Variants in CTNND2 observed in about 807,000 individuals in gnomAD.
The protein encoded by CTNND2 is catenin delta 2, also known as catenin delta-2.
A neutral mutation model predicts 144.4 loss-of-function variants in CTNND2; 22 were observed. The observed-to-expected ratio is 0.15, with a 90% CI of 0.11 to 0.22. CTNND2 has a LOEUF of 0.22. Among genes scored for constraint, CTNND2 ranks in the 10% least tolerant of loss-of-function variants. The probability of loss-of-function intolerance (pLI) is 1.00; values close to 1 mark genes in which losing one functional copy is unlikely to be tolerated. For missense variants in CTNND2, 1,353 were observed against 1,618.8 expected, an observed-to-expected ratio of 0.84 and a Z score of 2.82; for synonymous variants, 751 against 695.6, an observed-to-expected ratio of 1.08 and a Z score of -1.25.
At chr5:11,147,462 A>C (rs1010449087) in intron 12 of CTNND2, among the ~76,000 whole-genome samples, 2 of 152,176 alleles carry the variant, frequency 1.3e-5, no homozygotes, top group African/African-American at 2.4e-5. Context: ...TATTGCAAAC[A>C]TGGTGAATGA....
chr5:11,426,822 A>G (rs1014675400), intron 3 of CTNND2, among the ~76,000 whole-genome samples: 8 of 152,208 alleles, frequency 5.3e-5, no homozygotes, highest in African/African-American at 1.9e-4. Context: ...GTTGAAAATG[A>G]TAACTTAGAA....
chr5:11,644,188 A>G (rs1423317618), intron 2 of CTNND2, among the ~76,000 whole-genome samples: 1 of 152,232 alleles, frequency 6.6e-6, no homozygotes, highest in Non-Finnish European at 1.5e-5. Flanking sequence ...AAAAAGTGAA[A>G]AAAAACCTAG....
At chr5:10,998,957 G>A (rs997193818) in intron 18 of CTNND2, among the ~76,000 whole-genome samples, 2 of 152,118 alleles carry the variant, frequency 1.3e-5, no homozygotes, top group African/African-American at 4.8e-5. Flanking sequence ...AGATATAGAG[G>A]AGCAGCTGCC....
At chr5:11,302,714 C>A (rs2150035584) in intron 9 of CTNND2, among the ~76,000 whole-genome samples, 1 of 152,296 alleles carries the variant, frequency 6.6e-6, no homozygotes, top group African/African-American at 2.4e-5. Context: ...GTGACCATGG[C>A]TTCCCAGCTC....
intron 5 of CTNND2, among the ~76,000 whole-genome samples, chr5:11,401,276 G>C (rs1299451105): frequency 6.6e-6 from 1 of 152,172 alleles, no homozygotes; most frequent in Non-Finnish European, 1.5e-5. Context: ...ATGTGCACTT[G>C]TTCTGTTTAC....
At chr5:11,779,036 C>T (rs1790404396) in intron 1 of CTNND2, among the ~76,000 whole-genome samples, 1 of 152,040 alleles carries the variant, frequency 6.6e-6, no homozygotes, top group African/African-American at 2.4e-5. Context: ...TTTCCAATGC[C>T]CCATCTTTTT....
chr5:11,213,485 T>G (rs1738853468), intron 10 of CTNND2, among the ~76,000 whole-genome samples: 1 of 152,206 alleles, frequency 6.6e-6, no homozygotes, highest in South Asian at 2.1e-4. Flanking sequence ...TATGATTTAT[T>G]TAATGGTGCT....
chr5:11,900,072 A>G (rs1024199251), intron 1 of CTNND2, among the ~76,000 whole-genome samples: 3 of 152,156 alleles, frequency 2.0e-5, no homozygotes, highest in Admixed American at 6.5e-5. Flanking sequence ...ATATATAAGA[A>G]CCCAATAAAA....
chr5:11,593,940 G>T (rs1415310292), intron 2 of CTNND2, among the ~76,000 whole-genome samples: 3 of 152,114 alleles, frequency 2.0e-5, no homozygotes, highest in Non-Finnish European at 2.9e-5. Flanking sequence ...GCAAGTATTG[G>T]GTGTTATTGG....
intron 12 of CTNND2, among the ~76,000 whole-genome samples, chr5:11,132,070 G>C (rs1159494736): frequency 2.0e-5 from 3 of 152,220 alleles, no homozygotes; most frequent in Non-Finnish European, 4.4e-5. Flanking sequence ...AAGAGGCAAA[G>C]AACTGCATAT....
At chr5:11,577,717 T>C (rs1004375179) in intron 2 of CTNND2, among the ~76,000 whole-genome samples, 11 of 152,224 alleles carry the variant, frequency 7.2e-5, no homozygotes, top group African/African-American at 2.7e-4. Context: ...AAAAGGTTGA[T>C]ATTCAACAAT....
chr5:11,831,847 A>C (rs1043753340), intron 1 of CTNND2, among the ~76,000 whole-genome samples: 1 of 152,128 alleles, frequency 6.6e-6, no homozygotes, highest in African/African-American at 2.4e-5. Flanking sequence ...ACTTCCAAAA[A>C]CTTCAAGTTA....
At chr5:11,056,882 C>T (rs1746401411) in intron 16 of CTNND2, among the ~76,000 whole-genome samples, 1 of 152,204 alleles carries the variant, frequency 6.6e-6, no homozygotes, top group Non-Finnish European at 1.5e-5. Context: ...GAAGCTCAGG[C>T]CGCATGCCAG....
chr5:11,543,030 C>T (rs1266786433), intron 3 of CTNND2, among the ~76,000 whole-genome samples: 1 of 152,220 alleles, frequency 6.6e-6, no homozygotes, highest in East Asian at 1.9e-4. Context: ...TCTACCTCTG[C>T]TCCAGGAACA....
chr5:11,806,359 A>G (rs958200537), intron 1 of CTNND2, among the ~76,000 whole-genome samples: 1 of 152,210 alleles, frequency 6.6e-6, no homozygotes, highest in Non-Finnish European at 1.5e-5. Flanking sequence ...TGCATTATAT[A>G]TCTAACAATT....
chr5:11,796,042 A>G (rs1791382879), intron 1 of CTNND2, among the ~76,000 whole-genome samples: 1 of 152,160 alleles, frequency 6.6e-6, no homozygotes, highest in Non-Finnish European at 1.5e-5. Context: ...CAAAGCCAGC[A>G]ATGGCAGGTT....
chr5:11,146,421 C>G (rs1191154513), intron 12 of CTNND2, among the ~76,000 whole-genome samples: 1 of 152,162 alleles, frequency 6.6e-6, no homozygotes, highest in Non-Finnish European at 1.5e-5. Context: ...GAAAGCCCAG[C>G]TTCGAATTTT....
At chr5:11,100,943 T>C (rs1051940730) in intron 14 of CTNND2, among the ~76,000 whole-genome samples, 1 of 152,226 alleles carries the variant, frequency 6.6e-6, no homozygotes, top group African/African-American at 2.4e-5. Flanking sequence ...GTTAAGTCCG[T>C]AGAAAATTTT....
At chr5:11,791,359 G>A (rs1017137093) in intron 1 of CTNND2, among the ~76,000 whole-genome samples, 3 of 152,164 alleles carry the variant, frequency 2.0e-5, no homozygotes, top group Non-Finnish European at 4.4e-5. Context: ...CCAAGAGGAA[G>A]ACCGTGCAAC....
Sources: gnomAD v4.1 joint callset for allele counts (sites outside exome capture counted in the v4.1 genomes callset) on GRCh38, gnomAD v4.1.1 for gene constraint, MANE v1.5 for transcripts, NCBI Gene and HGNC (gene_info 2026-07-23, HGNC 2026-07-21) for gene names.